Variants in MED12L observed in about 807,000 individuals in gnomAD.
MED12L encodes mediator complex subunit 12L.
A neutral mutation model predicts 281.3 loss-of-function variants in MED12L; 60 were observed. That is an observed-to-expected ratio of 0.21 (90% CI 0.17 to 0.26). The LOEUF (loss-of-function observed/expected upper bound fraction) is 0.26. Among genes scored for constraint, MED12L ranks in the 10% least tolerant of loss-of-function variants. The pLI, the probability that MED12L is intolerant of heterozygous loss-of-function variation, is 1.00. For synonymous variants in MED12L, 974 were observed against 987.2 expected (o/e 0.99, Z 0.25); for missense variants, 2,146 against 2,680.9 (o/e 0.80, Z 4.41).
Position 151,185,346 on chromosome 3 carries a change from A to G in MED12L, c.1511A>G (p.Glu504Gly). The change falls in exon 12 of 45, where the codon GAA (glutamate) becomes GGA (glycine). Residue 504 changes from glutamate to glycine, a missense_variant. Glu to Gly is a moderately conservative substitution (Grantham distance 98). Transcript: ENST00000687756. ...GGTCATTAGGTTGCGCCCAACGATG[A>G]AGCTGTGGTGACGCTGTTATGTGAA... is the stretch of plus-strand genomic sequence containing the variant. ...KDNQEVAPND[E>G]AVVTLLCEWA... 6.2e-7 allele frequency: 1 copy of G among 1,613,826 alleles called. No homozygotes were observed. Among genetic ancestry groups the G allele is most frequent in the Non-Finnish European group, 8.5e-7 (1 of 1,179,880 alleles).
chr3:151,252,554 G>T (rs1737054039), intron 16 of MED12L, among the ~76,000 whole-genome samples: 1 of 152,086 alleles, frequency 6.6e-6, no homozygotes, highest in South Asian at 2.1e-4. Context: ...GTAAAGATGT[G>T]TTGCTTCCTT....
chr3:151,206,536 T>G (rs6790349), intron 16 of MED12L, among the ~76,000 whole-genome samples: 8,193 of 152,004 alleles, frequency 0.054, 694 homozygotes, highest in African/African-American at 0.18. Context: ...AATAAAGAAC[T>G]TTTAAAGATT....
At chr3:151,245,964 T>G (rs1735358569) in intron 16 of MED12L, among the ~76,000 whole-genome samples, 1 of 151,090 alleles carries the variant, frequency 6.6e-6, no homozygotes. Flanking sequence ...CAAGCATTCT[T>G]ATACACCAGC....
intron 17 of MED12L, among the ~76,000 whole-genome samples, chr3:151,353,752 T>G (rs1753539266): frequency 1.3e-5 from 2 of 152,356 alleles, no homozygotes; most frequent in African/African-American, 4.8e-5. Flanking sequence ...TAGAGAAATC[T>G]GTAAAGTAAC....
chr3:151,246,542 T>C (rs1332667070), intron 16 of MED12L, among the ~76,000 whole-genome samples: 2 of 152,158 alleles, frequency 1.3e-5, no homozygotes, highest in Admixed American at 6.5e-5. Context: ...ATTTAATAAA[T>C]GGTGCTGGGA....
At chr3:151,196,673 C>T (rs915757987) in intron 16 of MED12L, among the ~76,000 whole-genome samples, 5 of 152,338 alleles carry the variant, frequency 3.3e-5, no homozygotes, top group East Asian at 3.9e-4. Flanking sequence ...GTCATTTACA[C>T]TGTGTCAGAT....
chr3:151,177,430 T>C (rs1560123167), intron 11 of MED12L, among the ~76,000 whole-genome samples: 1 of 152,208 alleles, frequency 6.6e-6, no homozygotes, highest in East Asian at 1.9e-4. Context: ...AGTTTTCTTA[T>C]CTTTGAAATG....
intron 39 of MED12L, among the ~76,000 whole-genome samples, chr3:151,400,108 C>T (rs1370930897): frequency 5.3e-5 from 8 of 152,036 alleles, no homozygotes; most frequent in African/African-American, 1.4e-4. Flanking sequence ...ATTATAGGCG[C>T]GAGCCACCGC....
intron 16 of MED12L, among the ~76,000 whole-genome samples, chr3:151,322,567 C>T (rs570545600): frequency 6.6e-6 from 1 of 152,172 alleles, no homozygotes; most frequent in Non-Finnish European, 1.5e-5. Context: ...TCCTCACTTC[C>T]CATTCACAAA....
At chr3:151,351,487 T>C (rs1753232529) in intron 17 of MED12L, among the ~76,000 whole-genome samples, 1 of 152,188 alleles carries the variant, frequency 6.6e-6, no homozygotes, top group East Asian at 1.9e-4. Flanking sequence ...TGAAACCTTC[T>C]TGTTGATGTG....
At chr3:151,370,997 G>T (rs188125198) in intron 26 of MED12L, among the ~76,000 whole-genome samples, 2 of 152,266 alleles carry the variant, frequency 1.3e-5, no homozygotes, top group Admixed American at 6.5e-5. Flanking sequence ...TGAGCCAGGT[G>T]GGCACTGAAC....
At chr3:151,149,781 A>G (rs1718210443) in intron 5 of MED12L, among the ~76,000 whole-genome samples, 1 of 152,198 alleles carries the variant, frequency 6.6e-6, no homozygotes, top group Non-Finnish European at 1.5e-5. Context: ...CTTTGTTGTC[A>G]TTTCAGCAGT....
At chr3:151,366,496 A>G (rs188782965) in intron 23 of MED12L, among the ~76,000 whole-genome samples, 1 of 152,330 alleles carries the variant, frequency 6.6e-6, no homozygotes, top group East Asian at 1.9e-4. Context: ...TGCCTGGAAG[A>G]TGATGAAAAG....
chr3:151,431,616 A>G (rs1201599205), intron 44 of MED12L, among the ~76,000 whole-genome samples: 3 of 152,226 alleles, frequency 2.0e-5, no homozygotes, highest in Admixed American at 1.3e-4. Context: ...CACTAATTCC[A>G]GAATCCTTAT....
At chr3:151,288,792 A>G (rs1325360524) in intron 16 of MED12L, among the ~76,000 whole-genome samples, 4 of 147,244 alleles carry the variant, frequency 2.7e-5, no homozygotes, top group Non-Finnish European at 4.5e-5. Context: ...TTTAGTTACC[A>G]CATTATATTA....
chr3:151,406,793 C>T (rs765927202), intron 39 of MED12L, among the ~76,000 whole-genome samples: 44 of 108,160 alleles, frequency 4.1e-4, no homozygotes, highest in Admixed American at 6.0e-4. Flanking sequence ...GTTTCCATTT[C>T]TTCTTCTTCT....
At chr3:151,180,362 T>G (rs777450745) in intron 11 of MED12L, among the ~76,000 whole-genome samples, 1 of 152,210 alleles carries the variant, frequency 6.6e-6, no homozygotes, top group Non-Finnish European at 1.5e-5. Context: ...AGGCTAGACT[T>G]ACTTATTCCT....
At chr3:151,368,392 C>T in intron 25 of MED12L, 141 bp downstream of exon 25, 2 of 693,478 alleles carry the variant, frequency 2.9e-6, no homozygotes, top group Non-Finnish European at 5.1e-6. Flanking sequence ...TGAGATGATA[C>T]TATTCATTGA....
chr3:151,307,779 GC>G (rs1746913510), intron 16 of MED12L, among the ~76,000 whole-genome samples: 1 of 152,122 alleles, frequency 6.6e-6, no homozygotes, highest in South Asian at 2.1e-4. Flanking sequence ...ATGAGCTCTA[GC>G]TTTTAAGACC....
Sources: allele counts gnomAD v4.1 joint callset (sites outside exome capture counted in the v4.1 genomes callset), GRCh38; gene constraint gnomAD v4.1.1; transcripts MANE v1.5; gene names NCBI Gene and HGNC (gene_info 2026-07-23, HGNC 2026-07-21).